CSNK1G1: variants seen among roughly 807,000 people sequenced by gnomAD.
CSNK1G1 encodes the protein casein kinase 1 gamma 1.
CSNK1G1 carries 22 observed loss-of-function variants against 59.6 expected under a neutral mutation model. The ratio of observed to expected loss-of-function variants is 0.37; its 90% CI spans 0.26 to 0.53. CSNK1G1 has a LOEUF of 0.53. Among genes scored for constraint, CSNK1G1 ranks in the 20% least tolerant of loss-of-function variants. CSNK1G1 has a pLI of 0.89. For missense variants in CSNK1G1, 384 were observed against 519.5 expected, an observed-to-expected ratio of 0.74 and a Z score of 2.54; for synonymous variants, 179 against 177.1, an observed-to-expected ratio of 1.01 and a Z score of -0.08.
At chr15:64,296,937 C>CTT (rs960068624) in intron 2 of CSNK1G1, among the ~76,000 whole-genome samples, 4,053 of 89,274 alleles carry the variant, frequency 0.045, 161 homozygotes, top group African/African-American at 0.096. Flanking sequence ...ACTATCGTTA[C>CTT]TTTTTTTTTT....
chr15:64,314,395 CAAAGT>C (rs1896158306), intron 1 of CSNK1G1, among the ~76,000 whole-genome samples: 1 of 151,582 alleles, frequency 6.6e-6, no homozygotes, highest in South Asian at 2.1e-4. Context: ...GTAAGGGGTA[CAAAGT>C]AATGTTATAA....
intron 4 of CSNK1G1, among the ~76,000 whole-genome samples, chr15:64,243,054 G>A (rs989642435): frequency 6.6e-6 from 1 of 152,010 alleles, no homozygotes; most frequent in Admixed American, 6.5e-5. Flanking sequence ...AAAAATCCTC[G>A]GCTGGGCGCG....
chr15:64,229,033 AAAAAAG>A (rs2082503540), intron 4 of CSNK1G1, among the ~76,000 whole-genome samples: 3 of 151,734 alleles, frequency 2.0e-5, no homozygotes, highest in African/African-American at 2.4e-5. Flanking sequence ...AAAAAAAAAA[AAAAAAG>A]AAAAAGAAAA....
Position 64,166,132 on chromosome 15 carries a change from C to A in CSNK1G1, c.*5799G>T. ...GGCATTTAACAATAATCAGACACAT[C>A]CACACATTAAAACTGATTTCCACTG... On this transcript the variant is annotated 3_prime_UTR_variant, in exon 12 of 12. Transcript: ENST00000303052. This position sits in a 1 kb window ranked among gnomAD's most constrained non-coding sequence, Gnocchi z 4.5. 1 of 560,610 alleles carries A rather than the reference C, an allele frequency of 1.8e-6. No homozygotes were observed. Among genetic ancestry groups the A allele is most frequent in the Non-Finnish European group, 3.2e-6 (1 of 316,884 alleles). 34.7% of individuals were successfully genotyped at this position (560,610 alleles called of 1,614,324 possible).
chr15:64,187,256 A>G (rs1239862880), intron 10 of CSNK1G1, among the ~76,000 whole-genome samples: 1 of 151,546 alleles, frequency 6.6e-6, no homozygotes, highest in East Asian at 1.9e-4. Flanking sequence ...CAGTGGCATG[A>G]TCTCGGCTCA....
At chr15:64,344,025 C>T (rs1044954232) in intron 1 of CSNK1G1, among the ~76,000 whole-genome samples, 4 of 151,730 alleles carry the variant, frequency 2.6e-5, no homozygotes, top group Admixed American at 2.6e-4. Flanking sequence ...GTCATTTAGC[C>T]CCTTCCTTCC....
chr15:64,244,324 A>G (rs1371968762), intron 4 of CSNK1G1, among the ~76,000 whole-genome samples: 1 of 151,182 alleles, frequency 6.6e-6, no homozygotes, highest in Admixed American at 6.6e-5. Flanking sequence ...AAAGAGCTCT[A>G]CAAGGGAAAC....
intron 1 of CSNK1G1, chr15:64,335,800 A>G (rs2140465957): frequency 6.6e-6 from 1 of 152,318 alleles, no homozygotes; most frequent in Non-Finnish European, 1.5e-5. Context: ...TTCTCTAAGG[A>G]TGAAAGTCAA....
Position 64,176,299 on chromosome 15 carries a change from A to G in CSNK1G1, c.1214+4049T>C, listed in dbSNP as rs755879658. The G allele has an allele frequency of 1.0e-5, 4 of 398,794 alleles. No homozygotes were observed. Among genetic ancestry groups the G allele is most frequent in the Non-Finnish European group, 1.8e-5 (4 of 226,154 alleles). 24.7% of individuals were successfully genotyped at this position (398,794 alleles called of 1,614,324 possible). A position where few individuals can be genotyped will look rare whatever the true frequency, so the allele number is the denominator to read the frequency against. Reference sequence around the variant, plus strand: ...ATTTTCAGGCAGCTACAGAGTATATAAAGAGAAAAACACAGAAAGGAAGAG... The same window carrying G: ...ATTTTCAGGCAGCTACAGAGTATATGAAGAGAAAAACACAGAAAGGAAGAG... On this transcript the variant is annotated intron_variant, in intron 11 of 11. Coordinates refer to ENST00000303052, the MANE Select transcript of CSNK1G1 (RefSeq NM_022048.5). The surrounding 1 kb of genome is among the most constrained non-coding windows in gnomAD (Gnocchi z 5.2).
intron 2 of CSNK1G1, among the ~76,000 whole-genome samples, chr15:64,259,895 A>G (rs1371268589): frequency 2.0e-5 from 3 of 152,232 alleles, no homozygotes; most frequent in Non-Finnish European, 2.9e-5. Context: ...TCTTCCTGCA[A>G]TAACGGTTTT....
In CSNK1G1 at chr15:64,167,793, CCT is replaced by C. The variant is rs1354815873; in HGVS notation, c.*4136_*4137del. On this transcript the variant is annotated 3_prime_UTR_variant, in exon 12 of 12. Coordinates refer to ENST00000303052, the MANE Select transcript of CSNK1G1 (RefSeq NM_022048.5). The stretch of plus-strand genomic sequence containing the variant: ...TTGGGAGATGCATCAAACGAAAGTT[CCT>C]CTGAGAAGACGTTTTCTTGGCTGCC... The C allele has an allele frequency of 3.3e-5, 5 of 152,502 alleles. No individual in the cohort carries two copies. The highest frequency in any genetic ancestry group is 1.2e-4 in the African/African-American group (5 of 41,438). The allele number at this position is 152,502 out of a possible 1,614,324, so 9.4% of individuals were successfully genotyped here. A position where few individuals can be genotyped will look rare whatever the true frequency, so the allele number is the denominator to read the frequency against.
intron 2 of CSNK1G1, among the ~76,000 whole-genome samples, chr15:64,297,489 G>A (rs1230738592): frequency 6.6e-6 from 1 of 151,934 alleles, no homozygotes; most frequent in Non-Finnish European, 1.5e-5. Context: ...CAGGAGAATC[G>A]CTTGAGGCCA....
chr15:64,205,038 T>A (rs2082158718), intron 7 of CSNK1G1, 89 bp from the exon 8 acceptor site: 1 of 710,440 alleles, frequency 1.4e-6, no homozygotes, highest in East Asian at 2.8e-5. Flanking sequence ...GTTGTTTCAC[T>A]CAAATTCGCA....
chr15:64,300,385 T>C lies in CSNK1G1; in HGVS notation c.115A>G (p.Met39Val). The C allele has an allele frequency of 1.2e-6, 2 of 1,614,164 alleles. No individual in the cohort carries two copies. The highest frequency in any genetic ancestry group is 1.7e-6 in the Non-Finnish European group (2 of 1,180,014). Residue 39 changes from methionine to valine, a missense_variant, in exon 2 of 12, where the codon ATG becomes GTG. Physicochemically the swap from Met to Val is conservative, Grantham distance 21 (BLOSUM62 1). Coordinates refer to ENST00000303052, the MANE Select transcript of CSNK1G1 (RefSeq NM_022048.5). ...CCAACCCTGAAGTTGGGTCCCACCATAAGAACCCCAGAGGACGATGAGGAG... is the reference window on the plus strand; with the variant it reads ...CCAACCCTGAAGTTGGGTCCCACCACAAGAACCCCAGAGGACGATGAGGAG... ...SGSSSSSGVL[M>V]VGPNFRVGKK...
At chr15:64,316,731 C>T (rs1469816230) in intron 1 of CSNK1G1, 2 of 152,090 alleles carry the variant, frequency 1.3e-5, no homozygotes, top group Non-Finnish European at 1.5e-5. Context: ...AGTTAAAAAT[C>T]AAGCCCTGAC....
At chr15:64,337,615 G>A (rs79271459) in intron 1 of CSNK1G1, among the ~76,000 whole-genome samples, 1 of 152,126 alleles carries the variant, frequency 6.6e-6, no homozygotes, top group East Asian at 1.9e-4. Flanking sequence ...GATTACAGAT[G>A]TGAACCCACC....
At chr15:64,330,324 A>G (rs1319508942) in intron 1 of CSNK1G1, among the ~76,000 whole-genome samples, 13 of 146,502 alleles carry the variant, frequency 8.9e-5, no homozygotes, top group African/African-American at 3.1e-4. Flanking sequence ...AAGCTTATCC[A>G]CCATGATCAA....
chr15:64,352,828 C>T (rs1043217774), intron 1 of CSNK1G1, among the ~76,000 whole-genome samples: 5 of 151,980 alleles, frequency 3.3e-5, no homozygotes, highest in African/African-American at 1.2e-4. Context: ...TTGGCTCATG[C>T]CTGTAATCCC....
chr15:64,330,060 G>T (rs1346070354), intron 1 of CSNK1G1, among the ~76,000 whole-genome samples: 3 of 142,338 alleles, frequency 2.1e-5, no homozygotes, highest in Non-Finnish European at 4.6e-5. Context: ...AAGAGTCCAG[G>T]ACCAGATGGA....
Sources: gnomAD v4.1 joint callset for allele counts (sites outside exome capture counted in the v4.1 genomes callset) on GRCh38, gnomAD v4.1.1 for gene constraint, Gnocchi (gnomAD v3.1) non-coding constraint, MANE v1.5 for transcripts, NCBI Gene and HGNC (gene_info 2026-07-23, HGNC 2026-07-21) for gene names.